The following LIX1L variants were observed in gnomAD, a reference collection of about 807,000 sequenced individuals.
LIX1L encodes limb and CNS expressed 1 like.
A neutral mutation model predicts 34.0 loss-of-function variants in LIX1L; 20 were observed. That is an observed-to-expected ratio of 0.59 (90% CI 0.41 to 0.85). The LOEUF is 0.85. Ranked by LOEUF, LIX1L falls within the 40% of genes least tolerant of loss-of-function variation. LIX1L has a pLI of 0.00. For missense variants in LIX1L, 397 were observed against 447.0 expected (o/e 0.89, Z 1.01); for synonymous variants, 170 against 187.4 (o/e 0.91, Z 0.76).
chr1:145,952,977 T>A (rs1310544993), intron 1 of LIX1L, among the ~76,000 whole-genome samples: 15 of 151,762 alleles, frequency 9.9e-5, no homozygotes, highest in African/African-American at 3.6e-4. Flanking sequence ...AGTGGCACAA[T>A]CACACCTCAC....
rs1228083306 is a variant in LIX1L at position 145,933,444 on chromosome 1, T to C, written c.*2866A>G. 6.6e-6 allele frequency: 1 copy of C among 152,198 alleles called. No homozygotes were observed. The highest frequency in any genetic ancestry group is 1.5e-5 in the Non-Finnish European group (1 of 68,042). 9.4% of individuals were successfully genotyped at this position (152,198 alleles called of 1,614,324 possible). ...TGGCTCACTAGACAAAAATCTATTT[T>C]TAATTGTATAAAATTATACATATAA... On this transcript the variant is annotated 3_prime_UTR_variant, in exon 6 of 6. Coordinates refer to ENST00000604000, the MANE Select transcript of LIX1L (RefSeq NM_153713.3).
chr1:145,946,309 C>G (rs1649106786), intron 2 of LIX1L, among the ~76,000 whole-genome samples: 1 of 151,638 alleles, frequency 6.6e-6, no homozygotes, highest in Admixed American at 6.6e-5. Flanking sequence ...AGCAATTCTC[C>G]TGCCTCAGCC....
intron 2 of LIX1L, chr1:145,947,281 T>G (rs1649143750): frequency 4.3e-6 from 1 of 235,022 alleles, no homozygotes; most frequent in Admixed American, 4.9e-5. Context: ...GCAAGGAATA[T>G]TGTTCTATAT....
chr1:145,936,797 T>G (rs927743023), intron 5 of LIX1L, 111 bp downstream of exon 5: 10 of 871,138 alleles, frequency 1.1e-5, no homozygotes, highest in Admixed American at 7.7e-5. Context: ...GCTTTCAATA[T>G]TCACAACCAT....
At chr1:145,945,707 C>T (rs1649076187) in intron 2 of LIX1L, among the ~76,000 whole-genome samples, 1 of 146,714 alleles carries the variant, frequency 6.8e-6, no homozygotes, top group Non-Finnish European at 1.5e-5. Context: ...TGAGATCGGG[C>T]TGTTGCACTC....
chr1:145,957,953 C>T lies in LIX1L; in HGVS notation c.-26G>A. Reference sequence around the variant, plus strand: ...CCCGGCCGCCAATGGAGTAGCGCCCCGGAGCCTGCCAGCCTGCCGAGCTAA... The same window carrying T: ...CCCGGCCGCCAATGGAGTAGCGCCCTGGAGCCTGCCAGCCTGCCGAGCTAA... On this transcript the variant is annotated 5_prime_UTR_variant, in exon 1 of 6. Transcript: ENST00000604000. 2 of 1,418,424 alleles carry T rather than the reference C, an allele frequency of 1.4e-6. No individual in the cohort carries two copies. Among genetic ancestry groups the T allele is most frequent in the East Asian group, 3.0e-5 (1 of 33,548 alleles). 87.9% of individuals were successfully genotyped at this position (1,418,424 alleles called of 1,614,324 possible).
At chr1:145,949,790 A>G (rs1649226538) in intron 1 of LIX1L, among the ~76,000 whole-genome samples, 1 of 152,040 alleles carries the variant, frequency 6.6e-6, no homozygotes, top group Admixed American at 6.6e-5. Flanking sequence ...GGTGCTCTGA[A>G]ATATCTTGCA....
At chr1:145,940,968 G>A (rs1553758591) in intron 3 of LIX1L, 1 of 152,120 alleles carries the variant, frequency 6.6e-6, no homozygotes, top group Non-Finnish European at 1.5e-5. Context: ...TTACAAGCGT[G>A]AGCCATCGCG....
Position 145,957,710 on chromosome 1 carries a change from C to T in LIX1L, c.218G>A (p.Ser73Asn). ...GLPLPPGAAG[S>N]PAVLREAVEA... ...CACGGCCTCTCGCAGCACTGCCGGG[C>T]TGCCGGCGGCGCCGGGGGGCAGGGG... The change falls in exon 1 of 6, where the codon AGC becomes AAC. Residue 73 changes from serine (S) to asparagine (N), a missense_variant. This residue lies in a region of LIX1L where 207 missense variants were observed against 205.2 expected (regional missense o/e 1.01). Transcript: ENST00000604000. The T allele has an allele frequency of 6.7e-7, 1 of 1,497,486 alleles. No individual in the cohort carries two copies. 92.8% of individuals were successfully genotyped at this position (1,497,486 alleles called of 1,614,324 possible).
chr1:145,953,967 G>A lies in LIX1L; in HGVS notation c.292+3669C>T, dbSNP rs587775143. On this transcript the variant is annotated intron_variant, in intron 1 of 5. Coordinates refer to ENST00000604000, the MANE Select transcript of LIX1L (RefSeq NM_153713.3). Reference sequence around the variant, plus strand: ...GCTACTTGGGAGGCTGAGGCGGGTGGGAGGATCACTGGAGCCCAGCAGTTC... The same window carrying A: ...GCTACTTGGGAGGCTGAGGCGGGTGAGAGGATCACTGGAGCCCAGCAGTTC... 1.5e-4 allele frequency among the ~76,000 whole-genome samples: 23 copies of A among 152,080 alleles called. No homozygotes were observed. The South Asian group carries it at 4.2e-3, about 28-fold the overall frequency.
chr1:145,957,567 C>A lies in LIX1L; in HGVS notation c.292+69G>T. 3 of 1,385,776 alleles carry A rather than the reference C, an allele frequency of 2.2e-6. No individual in the cohort carries two copies. In the Admixed American group the frequency reaches 1.0e-4, roughly 47 times the overall value. The allele number at this position is 1,385,776 out of a possible 1,614,324, so 85.8% of individuals were successfully genotyped here. A position where few individuals can be genotyped will look rare whatever the true frequency, so the allele number is the denominator to read the frequency against. ...AGGGCTCCACGCCAGGAAAAGCGATCCGGAGGACTGTGGGAGCAAGGCTCC... is the reference window on the plus strand; with the variant it reads ...AGGGCTCCACGCCAGGAAAAGCGATACGGAGGACTGTGGGAGCAAGGCTCC... On this transcript the variant is annotated intron_variant, in intron 1 of 5. Coordinates refer to ENST00000604000, the MANE Select transcript of LIX1L (RefSeq NM_153713.3).
At position 145,947,300 on chromosome 1, in the gene LIX1L, A is replaced by C. The variant is rs1649144447; in HGVS notation, c.456+319T>G. On this transcript the variant is annotated intron_variant, in intron 2 of 5. Coordinates refer to ENST00000604000, the MANE Select transcript of LIX1L (RefSeq NM_153713.3). Reference sequence around the variant, plus strand: ...GGAATATTGTTCTATATCCTCAATAAGAGATGGAAGAAAGTTGGAATGCAA... The same window carrying C: ...GGAATATTGTTCTATATCCTCAATACGAGATGGAAGAAAGTTGGAATGCAA... 1.0e-5 allele frequency: 3 copies of C among 299,114 alleles called. No individual in the cohort carries two copies. In the South Asian group the frequency reaches 1.6e-4, roughly 16 times the overall value. The allele number at this position is 299,114 out of a possible 1,614,324, so 18.5% of individuals were successfully genotyped here. A position where few individuals can be genotyped will look rare whatever the true frequency, so the allele number is the denominator to read the frequency against.
intron 3 of LIX1L, among the ~76,000 whole-genome samples, chr1:145,938,160 A>G (rs587680902): frequency 9.9e-5 from 15 of 152,216 alleles, no homozygotes; most frequent in Non-Finnish European, 2.9e-5. Flanking sequence ...TTTTAATAAT[A>G]TATCTTATTT....
At chr1:145,941,876 A>G (rs1403204004) in intron 3 of LIX1L, 1 of 152,032 alleles carries the variant, frequency 6.6e-6, no homozygotes, top group Non-Finnish European at 1.5e-5. Flanking sequence ...CTCAATTAGG[A>G]TTAATTATGG....
intron 1 of LIX1L, 70 bp downstream of exon 1, chr1:145,957,566 T>G (rs1649519917): frequency 5.8e-6 from 8 of 1,383,324 alleles, no homozygotes; most frequent in Non-Finnish European, 7.5e-6. Context: ...GGAAAAGCGA[T>G]CCGGAGGACT....
rs1553759358 is a variant in LIX1L, at chr1:145,947,387, A to ATATTCATAACTGCT, written c.456+218_456+231dup. 1.2e-5 allele frequency: 6 copies of ATATTCATAACTGCT among 519,040 alleles called. No homozygotes were observed. The East Asian group carries it at 1.8e-4, about 16-fold the overall frequency. The allele number at this position is 519,040 out of a possible 1,614,324, so 32.2% of individuals were successfully genotyped here. On this transcript the variant is annotated intron_variant, in intron 2 of 5. Transcript: ENST00000604000. ...GTAGTCGGATATACTGAGCAAGGGG[A>ATATTCATAACTGCT]TATTCATAACTGCTCAAATTCAAAA...
chr1:145,957,627 C>A lies in LIX1L; in HGVS notation c.292+9G>T. On this transcript the variant is annotated intron_variant, in intron 1 of 5. Coordinates refer to ENST00000604000, the MANE Select transcript of LIX1L (RefSeq NM_153713.3). ...GGTGTCGCGCAGGAGGCCAGACCCGCAGACTCACCTCGGCCATAGCCCTGC... is the reference window on the plus strand; with the variant it reads ...GGTGTCGCGCAGGAGGCCAGACCCGAAGACTCACCTCGGCCATAGCCCTGC... The A allele has an allele frequency of 6.6e-7, 1 of 1,522,692 alleles. No individual in the cohort carries two copies. The highest frequency in any genetic ancestry group is 8.8e-7 in the Non-Finnish European group (1 of 1,140,644). 94.3% of individuals were successfully genotyped at this position (1,522,692 alleles called of 1,614,324 possible).
intron 1 of LIX1L, among the ~76,000 whole-genome samples, chr1:145,952,764 C>T (rs1300007689): frequency 6.6e-6 from 1 of 152,010 alleles, no homozygotes; most frequent in Non-Finnish European, 1.5e-5. Flanking sequence ...GCGCACGCCA[C>T]CACACCCAGC....
chr1:145,936,973 CTG>C lies in LIX1L; in HGVS notation c.704_705del (p.Thr235SerfsTer12). On this transcript the variant is annotated frameshift_variant, in exon 5 of 6. Transcript: ENST00000604000. LOFTEE classifies it high-confidence loss of function. ...CCATTCCAGTGTAGCAGTTGAAAAA[CTG>C]TCATTAGCTCCTGGGGGAAGAGGAT... ...KSMLEFQELMTVFQLLHWNGS... is the reference protein window; with the variant it reads ...KSMLEFQELMXVFQLLHWNGS... 7 of 1,611,488 alleles carry C rather than the reference CTG, an allele frequency of 4.3e-6. No individual in the cohort carries two copies. Among genetic ancestry groups the C allele is most frequent in the Non-Finnish European group, 5.9e-6 (7 of 1,177,684 alleles).
Sources: gnomAD v4.1 joint callset for allele counts (sites outside exome capture counted in the v4.1 genomes callset) on GRCh38, gnomAD v4.1.1 for gene constraint, gnomAD v4.1.1 regional missense constraint, MANE v1.5 for transcripts, NCBI Gene and HGNC (gene_info 2026-07-23, HGNC 2026-07-21) for gene names.